FAM240C: variants seen among roughly 807,000 people sequenced by gnomAD.
FAM240C encodes the protein protein FAM240C.
A neutral mutation model predicts 10.0 loss-of-function variants in FAM240C; 14 were observed. The observed-to-expected ratio is 1.40, with a 90% CI of 0.92 to 2.19. FAM240C has a LOEUF of 2.19. Ranked by LOEUF, FAM240C falls within the 30% of genes most tolerant of loss-of-function variation. The probability of loss-of-function intolerance (pLI) is 0.00; values close to 1 mark genes in which losing one functional copy is unlikely to be tolerated. For synonymous variants in FAM240C, 49 were observed against 44.3 expected (o/e 1.11, Z -0.42); for missense variants, 154 against 122.3 (o/e 1.26, Z -1.22).
At chr2:241,899,122 A>T in intron 1 of FAM240C, 1 of 1,304,116 alleles carries the variant, frequency 7.7e-7, no homozygotes. Context: ...CACCTGCTTC[A>T]GGTGGAGAGG....
chr2:241,894,839 C>T (rs1022456862), intron 2 of FAM240C, among the ~76,000 whole-genome samples: 4 of 152,180 alleles, frequency 2.6e-5, no homozygotes, highest in African/African-American at 9.7e-5. Context: ...ACTTCCTTCT[C>T]GCTTGCCTGC....
chr2:241,896,728 T>TAA (rs1701827571), intron 2 of FAM240C, among the ~76,000 whole-genome samples: 1 of 2,428 alleles, frequency 4.1e-4, no homozygotes, highest in Non-Finnish European at 9.6e-4. Context: ...GTGTGTGTGT[T>TAA]GGGGTGTGGG....
chr2:241,894,332 C>T lies in FAM240C; in HGVS notation c.169G>A (p.Val57Met), dbSNP rs764016403. 1.2e-5 allele frequency: 18 copies of T among 1,545,426 alleles called. No homozygotes were observed. In the South Asian group the frequency reaches 1.3e-4, roughly 11 times the overall value. ...VRRSALNKLR[V>M]GWAEQLEGRN... is the part of the protein sequence containing the mutation. ...CCCTCCAGCTGCTCAGCCCATCCCA[C>T]GCGGAGCCTGGGGCAGGGCGATAAT... Residue 57 changes from valine (V) to methionine (M), a missense_variant, in exon 3 of 3, where the codon GTG becomes ATG. Val to Met is a conservative substitution (Grantham distance 21). Coordinates refer to ENST00000404031, the MANE Select transcript of FAM240C (RefSeq NM_001382368.1).
chr2:241,896,514 T>A (rs1701810827), intron 2 of FAM240C, among the ~76,000 whole-genome samples: 1 of 136,610 alleles, frequency 7.3e-6, no homozygotes, highest in Non-Finnish European at 1.6e-5. Flanking sequence ...GGGGTGTGGG[T>A]GTTGGGGTGT....
chr2:241,901,909 G>A (rs116286033), upstream of FAM240C, among the ~76,000 whole-genome samples: 565 of 152,180 alleles, frequency 3.7e-3, 2 homozygotes, highest in African/African-American at 0.013. The surrounding 1 kb of genome is among the most constrained non-coding windows in gnomAD (Gnocchi z 4.9). Context: ...CACAACACCG[G>A]CCTACACTTC....
chr2:241,894,405 G>A (rs538536462), intron 2 of FAM240C, 66 bp from the exon 3 acceptor site: 21 of 1,492,110 alleles, frequency 1.4e-5, no homozygotes, highest in Middle Eastern at 1.7e-4. Context: ...GGCCAAGCCC[G>A]TGTCTCTCAG....
intron 1 of FAM240C, among the ~76,000 whole-genome samples, chr2:241,897,562 C>T (rs889765300): frequency 6.6e-6 from 1 of 152,180 alleles, no homozygotes; most frequent in Non-Finnish European, 1.5e-5. Context: ...GGAGCAGTCT[C>T]CTGGGTTGGC....
intron 2 of FAM240C, among the ~76,000 whole-genome samples, chr2:241,896,925 A>G (rs1294146256): frequency 6.6e-6 from 1 of 151,534 alleles, no homozygotes; most frequent in Admixed American, 6.6e-5. Flanking sequence ...GTGATGTTTG[A>G]TCTGAGCTCC....
At position 241,897,224 on chromosome 2, in the gene FAM240C, C is replaced by G; in HGVS notation, c.123G>C (p.Gln41His). The G allele has an allele frequency of 6.5e-7, 1 of 1,550,000 alleles. No individual in the cohort carries two copies. Among genetic ancestry groups the G allele is most frequent in the Non-Finnish European group, 8.7e-7 (1 of 1,146,530 alleles). ...KKIEHHARHL[Q>H]NEDIRVRRSA... ...TTCTGCGAACCCTGATGTCCTCGTT[C>G]TGCAGGTGTCTTGCGTGATGCTCGA... Residue 41 changes from glutamine to histidine, a missense_variant, in exon 2 of 3, where the codon CAG becomes CAC. Gln to His is a conservative substitution (Grantham distance 24). Transcript: ENST00000404031.
chr2:241,898,435 C>G (rs756441399), intron 1 of FAM240C, among the ~76,000 whole-genome samples: 48 of 152,272 alleles, frequency 3.2e-4, no homozygotes, highest in Non-Finnish European at 2.6e-4. Flanking sequence ...GCCTGTAATC[C>G]TAGCTACTCT....
chr2:241,898,207 C>T (rs1460016137), intron 1 of FAM240C, among the ~76,000 whole-genome samples: 1 of 152,170 alleles, frequency 6.6e-6, no homozygotes, highest in Admixed American at 6.5e-5. Context: ...ATTTTGGACT[C>T]GTGCATCTAC....
At chr2:241,896,491 GGTGTGGGT>G (rs1701808325) in intron 2 of FAM240C, among the ~76,000 whole-genome samples, 1 of 102,870 alleles carries the variant, frequency 9.7e-6, no homozygotes. Flanking sequence ...GGGGGAAGGG[GGTGTGGGT>G]GAAGGGGGTG....
chr2:241,894,573 T>G (rs1255576749), intron 2 of FAM240C, among the ~76,000 whole-genome samples: 279 of 70,418 alleles, frequency 4.0e-3, no homozygotes, highest in Non-Finnish European at 5.7e-3. Flanking sequence ...CAGTGGTTGG[T>G]GGGGGGGGGG....
chr2:241,899,042 G>A, intron 1 of FAM240C: 4 of 1,022,340 alleles, frequency 3.9e-6, no homozygotes, highest in African/African-American at 1.7e-5. Flanking sequence ...AGAACACAGG[G>A]TGGCAGGAGC....
Position 241,900,328 on chromosome 2 carries a change from A to G in FAM240C, c.12+30T>C. ...TGCAGCGCCAATCTCTCAAGCAAGGACAGCGCCTGTCACATCACAGAGAGC... is the reference window on the plus strand; with the variant it reads ...TGCAGCGCCAATCTCTCAAGCAAGGGCAGCGCCTGTCACATCACAGAGAGC... On this transcript the variant is annotated intron_variant, in intron 1 of 2. Transcript: ENST00000404031. This position sits in a 1 kb window ranked among gnomAD's most constrained non-coding sequence, Gnocchi z 4.5. 2 of 717,200 alleles carry G rather than the reference A, an allele frequency of 2.8e-6. No homozygotes were observed. The highest frequency in any genetic ancestry group is 5.4e-5 in the East Asian group (2 of 37,292). 44.4% of individuals were successfully genotyped at this position (717,200 alleles called of 1,614,324 possible). A position where few individuals can be genotyped will look rare whatever the true frequency, so the allele number is the denominator to read the frequency against.
Position 241,899,060 on chromosome 2 carries a change from G to C in FAM240C, c.12+1298C>G, listed in dbSNP as rs1701919407. On this transcript the variant is annotated intron_variant, in intron 1 of 2. Transcript: ENST00000404031. ...ACACAGGGTGGCAGGAGCGCGGCCC[G>C]AGAGGAAAACCAGGCAGCTGAGACC... 1.2e-5 allele frequency: 14 copies of C among 1,204,182 alleles called. No individual in the cohort carries two copies. In the South Asian group the frequency reaches 1.6e-4, roughly 14 times the overall value. 74.6% of individuals were successfully genotyped at this position (1,204,182 alleles called of 1,614,324 possible).
upstream of FAM240C, among the ~76,000 whole-genome samples, chr2:241,901,552 C>T (rs942289326): frequency 2.0e-5 from 3 of 152,078 alleles, no homozygotes; most frequent in Admixed American, 6.5e-5. This position sits in a 1 kb window ranked among gnomAD's most constrained non-coding sequence, Gnocchi z 4.9. Context: ...CGAGTCCTGG[C>T]GTGTGCTCAG....
At chr2:241,895,425 A>G (rs1701772627) in intron 2 of FAM240C, among the ~76,000 whole-genome samples, 3 of 152,168 alleles carry the variant, frequency 2.0e-5, no homozygotes, top group Non-Finnish European at 4.4e-5. Context: ...TTTACAGGGG[A>G]CCGTGGGGTC....
Position 241,894,313 on chromosome 2 carries a change from A to T in FAM240C, c.188T>A (p.Leu63Gln). The T allele has an allele frequency of 6.5e-7, 1 of 1,548,638 alleles. No individual in the cohort carries two copies. The highest frequency in any genetic ancestry group is 8.7e-7 in the Non-Finnish European group (1 of 1,146,340). The part of the protein sequence containing the change: ...NKLRVGWAEQ[L>Q]EGRNKMLQGP... ...CTGCAGCATCTTGTTCCTCCCCTCCAGCTGCTCAGCCCATCCCACGCGGAG... is the reference window on the plus strand; with the variant it reads ...CTGCAGCATCTTGTTCCTCCCCTCCTGCTGCTCAGCCCATCCCACGCGGAG... Residue 63 changes from leucine to glutamine, a missense_variant, in exon 3 of 3, where the codon CTG becomes CAG. Physicochemically the swap from Leu to Gln is moderately radical, Grantham distance 113. Transcript: ENST00000404031.
Sources: gnomAD v4.1 joint callset for allele counts (sites outside exome capture counted in the v4.1 genomes callset) on GRCh38, gnomAD v4.1.1 for gene constraint, Gnocchi (gnomAD v3.1) non-coding constraint, MANE v1.5 for transcripts, NCBI Gene and HGNC (gene_info 2026-07-23, HGNC 2026-07-21) for gene names.